The following ZNF845 variants were observed in gnomAD, a reference collection of about 807,000 sequenced individuals.
The protein encoded by ZNF845 is zinc finger protein 845.
In ZNF845, 59 loss-of-function variants were observed where a neutral mutation model predicts 76.1. The observed-to-expected ratio is 0.78, with a 90% CI of 0.63 to 0.96. ZNF845 has a LOEUF of 0.96. Among genes scored for constraint, ZNF845 ranks in the 40% least tolerant of loss-of-function variants. The pLI is 0.00. For synonymous variants in ZNF845, 361 were observed against 386.9 expected, an observed-to-expected ratio of 0.93 and a Z score of 0.78; for missense variants, 1,045 against 1,172.8, an observed-to-expected ratio of 0.89 and a Z score of 1.59.
rs2085367819 is a variant in ZNF845 at position 53,354,218 on chromosome 19, G to A, written c.*630G>A. 1 of 524,298 alleles carries A rather than the reference G, an allele frequency of 1.9e-6. No individual in the cohort carries two copies. Among genetic ancestry groups the A allele is most frequent in the Middle Eastern group, 3.2e-4 (1 of 3,086 alleles). 32.5% of individuals were successfully genotyped at this position (524,298 alleles called of 1,614,324 possible). A position where few individuals can be genotyped will look rare whatever the true frequency, so the allele number is the denominator to read the frequency against. Reference sequence around the variant, plus strand: ...TCTTCAGTCTGAGATCACCCCTTAAGGAACATCAGAAAATTCATTTTTGAG... The same window carrying A: ...TCTTCAGTCTGAGATCACCCCTTAAAGAACATCAGAAAATTCATTTTTGAG... On this transcript the variant is annotated 3_prime_UTR_variant, in exon 4 of 4. Coordinates refer to ENST00000458035, the MANE Select transcript of ZNF845 (RefSeq NM_138374.3).
chr19:53,352,707 C>T lies in ZNF845; in HGVS notation c.2032C>T (p.Leu678Phe), dbSNP rs768752787. Residue 678 changes from leucine (L) to phenylalanine (F), a missense_variant, in exon 4 of 4, where the codon CTT (leucine) becomes TTT (phenylalanine). Transcript: ENST00000458035. Reference sequence around the variant, plus strand: ...CAAGACCTTTAGTCGGAAGTCATACCTTACATGCCATCGTAGACTTCATAC... The same window carrying T: ...CAAGACCTTTAGTCGGAAGTCATACTTTACATGCCATCGTAGACTTCATAC... The part of the protein sequence containing the change: ...CGKTFSRKSY[L>F]TCHRRLHTGE... 1.5e-5 allele frequency: 25 copies of T among 1,613,864 alleles called. No individual in the cohort carries two copies. The highest frequency in any genetic ancestry group is 1.9e-5 in the Non-Finnish European group (22 of 1,179,958).
At position 53,345,521 on chromosome 19, in the gene ZNF845, A is replaced by G; in HGVS notation, c.31A>G (p.Arg11Gly). The stretch of plus-strand genomic sequence containing the variant: ...TTCATTTCAGGGTCTATTGACATTC[A>G]GGGATGTGGCCATAGAATTCTCTCA... MALSQGLLTF[R>G]DVAIEFSQEE... is the part of the protein sequence containing the mutation. Residue 11 changes from arginine to glycine, a missense_variant, in exon 3 of 4, where the codon AGG (arginine) becomes GGG (glycine). Coordinates refer to ENST00000458035, the MANE Select transcript of ZNF845 (RefSeq NM_138374.3). 6.2e-7 allele frequency: 1 copy of G among 1,613,870 alleles called. No homozygotes were observed. The highest frequency in any genetic ancestry group is 1.7e-4 in the Middle Eastern group (1 of 6,056).
chr19:53,341,467 T>G, intron 2 of ZNF845, 145 bp downstream of exon 2: 5 of 1,303,814 alleles, frequency 3.8e-6, no homozygotes, highest in Non-Finnish European at 5.4e-6. Flanking sequence ...GTCCCTCTCA[T>G]CTCGCTTAGA....
chr19:53,343,732 GT>G (rs2085273672), intron 2 of ZNF845, among the ~76,000 whole-genome samples: 1 of 152,056 alleles, frequency 6.6e-6, no homozygotes, highest in South Asian at 2.1e-4. Context: ...TTAACATCTA[GT>G]TTTTTGTGAG....
In ZNF845 at chr19:53,350,856, A is replaced by G. The variant is rs754621781; in HGVS notation, c.181A>G (p.Thr61Ala). The G allele has an allele frequency of 1.4e-5, 22 of 1,613,702 alleles. No individual in the cohort carries two copies. In the African/African-American group the frequency reaches 2.9e-4, roughly 22 times the overall value. The change falls in exon 4 of 4, where the codon ACA becomes GCA. Residue 61 changes from threonine to alanine, a missense_variant. Physicochemically the swap from Thr to Ala is moderately conservative, Grantham distance 58. Coordinates refer to ENST00000458035, the MANE Select transcript of ZNF845 (RefSeq NM_138374.3). ...ATGCATGATGAAGGAGTTCTCATCA[A>G]CAGCACAAGGCAATACAGAAGTGAT... ...SKCMMKEFSS[T>A]AQGNTEVIHT...
Position 53,344,847 on chromosome 19 carries a change from C to A in ZNF845, c.16-659C>A, listed in dbSNP as rs1599977502. 2.0e-5 allele frequency among the ~76,000 whole-genome samples: 3 copies of A among 151,998 alleles called. No individual in the cohort carries two copies. The South Asian group carries it at 6.2e-4, about 32-fold the overall frequency. ...AGAAACGGGATTTCTCCATGTTGGT[C>A]AGGCAAGTCTTGAACTCCCGACTTC... On this transcript the variant is annotated intron_variant, in intron 2 of 3. Coordinates refer to ENST00000458035, the MANE Select transcript of ZNF845 (RefSeq NM_138374.3).
intron 2 of ZNF845, 23 bp from the exon 3 acceptor site, chr19:53,345,483 C>T: frequency 1.2e-6 from 2 of 1,613,556 alleles, no homozygotes; most frequent in East Asian, 2.2e-5. Context: ...TAACCATTTC[C>T]TTAAAATGTG....
At chr19:53,348,139 C>T (rs1359980954) in intron 3 of ZNF845, among the ~76,000 whole-genome samples, 6 of 152,084 alleles carry the variant, frequency 3.9e-5, no homozygotes, top group South Asian at 2.1e-4. Flanking sequence ...TGCAGTGAGC[C>T]GACATTGTGC....
rs927639721 is a variant in ZNF845 at position 53,349,251 on chromosome 19, G to A, written c.143-1567G>A. Among the ~76,000 whole-genome samples, 7 of 151,790 alleles carry A rather than the reference G, an allele frequency of 4.6e-5. 1 individual carries two copies. The highest frequency in any genetic ancestry group is 1.7e-4 in the African/African-American group (7 of 41,306). On this transcript the variant is annotated intron_variant, in intron 3 of 3. Transcript: ENST00000458035. Reference sequence around the variant, plus strand: ...TAACATGTATTTCAGTTCTTATATTGTATGCTGCTGGTAAGTAGAAATTGT... The same window carrying A: ...TAACATGTATTTCAGTTCTTATATTATATGCTGCTGGTAAGTAGAAATTGT...
At position 53,352,043 on chromosome 19, in the gene ZNF845, A is replaced by G; in HGVS notation, c.1368A>G (p.Arg456=). The change falls in exon 4 of 4, where the codon AGA becomes AGG. Residue 456 remains arginine (R), a synonymous_variant. Transcript: ENST00000458035. ...TCAGTTTCAAATCGAACCTTGAAAG[A>G]CATAGGAGAATTCATACTGGAGAGA... ...EAFSFKSNLE[R]HRRIHTGEKP... is the part of the protein sequence containing the mutation. The G allele has an allele frequency of 6.2e-7, 1 of 1,612,900 alleles. No homozygotes were observed. The highest frequency in any genetic ancestry group is 8.5e-7 in the Non-Finnish European group (1 of 1,179,634).
At position 53,351,604 on chromosome 19, in the gene ZNF845, G is replaced by A. The variant is rs565297561; in HGVS notation, c.929G>A (p.Arg310Gln). ...KCSECGKTFS[R>Q]NSALVIHKAI... ...AGTGAGTGTGGCAAGACCTTCAGTC[G>A]AAATTCAGCCCTTGTAATTCATAAG... is the stretch of plus-strand genomic sequence containing the variant. Residue 310 changes from arginine (R) to glutamine (Q), a missense_variant, in exon 4 of 4, where the codon CGA becomes CAA. Transcript: ENST00000458035. The A allele has an allele frequency of 1.5e-4, 236 of 1,613,264 alleles. 2 individuals carry two copies. The Middle Eastern group carries it at 3.1e-3, about 21-fold the overall frequency.
Position 53,351,128 on chromosome 19 carries a change from C to G in ZNF845, c.453C>G (p.Leu151=), listed in dbSNP as rs764664402. 6.2e-7 allele frequency: 1 copy of G among 1,614,206 alleles called. No homozygotes were observed. Among genetic ancestry groups the G allele is most frequent in the Non-Finnish European group, 8.5e-7 (1 of 1,180,032 alleles). Residue 151 remains leucine (L), a synonymous_variant, in exon 4 of 4, where the codon CTC becomes CTG. Transcript: ENST00000458035. The part of the protein sequence containing the change: ...GSSFHSHLPE[L]HMFQTEGKIG... ...GCTTTCATTCGCATCTGCCTGAACT[C>G]CACATGTTTCAGACCGAAGGGAAAA...
chr19:53,337,334 C>T (rs2085222741), intron 1 of ZNF845, among the ~76,000 whole-genome samples: 1 of 150,752 alleles, frequency 6.6e-6, no homozygotes, highest in Non-Finnish European at 1.5e-5. Flanking sequence ...TCACGTTACT[C>T]AGATTTTATT....
intron 1 of ZNF845, chr19:53,337,096 C>T (rs576102979): frequency 2.2e-5 from 10 of 456,816 alleles, no homozygotes; most frequent in South Asian, 1.4e-4. Flanking sequence ...CCAGCCTCCT[C>T]CTGGGAGCTT....
In ZNF845 at chr19:53,352,085, T is replaced by G. The variant is rs149454148; in HGVS notation, c.1410T>G (p.Asn470Lys). 3.6e-5 allele frequency: 58 copies of G among 1,613,722 alleles called. No individual in the cohort carries two copies. The highest frequency in any genetic ancestry group is 3.3e-4 in the Middle Eastern group (2 of 6,048). Residue 470 changes from asparagine (N) to lysine (K), a missense_variant, in exon 4 of 4, where the codon AAT becomes AAG. Transcript: ENST00000458035. The part of the protein sequence containing the change: ...IHTGEKPYKC[N>K]DCGKTFSQTS... ...CTGGAGAGAAACCTTACAAGTGTAA[T>G]GATTGTGGCAAGACCTTCAGTCAGA...
intron 2 of ZNF845, among the ~76,000 whole-genome samples, chr19:53,341,825 A>C (rs1017771510): frequency 6.6e-6 from 1 of 152,200 alleles, no homozygotes; most frequent in Non-Finnish European, 1.5e-5. Context: ...AAATCTTAGT[A>C]ATTAGAATGG....
chr19:53,342,726 G>A (rs1315821103), intron 2 of ZNF845, among the ~76,000 whole-genome samples: 1 of 152,170 alleles, frequency 6.6e-6, no homozygotes, highest in African/African-American at 2.4e-5. Context: ...CCATGTTCAG[G>A]TTTGTTACAT....
chr19:53,339,816 G>A (rs913983366), intron 1 of ZNF845, among the ~76,000 whole-genome samples: 2 of 152,220 alleles, frequency 1.3e-5, no homozygotes, highest in African/African-American at 4.8e-5. Context: ...AAATAGAGGT[G>A]CTGTCTGTGC....
intron 3 of ZNF845, among the ~76,000 whole-genome samples, chr19:53,345,855 G>GGTT (rs2085292536): frequency 7.4e-6 from 1 of 135,468 alleles, no homozygotes; most frequent in African/African-American, 2.7e-5. Flanking sequence ...TACTTTTTTA[G>GGTT]TTTTTTTTTT....
Sources: gnomAD v4.1 joint callset for allele counts (sites outside exome capture counted in the v4.1 genomes callset) on GRCh38, gnomAD v4.1.1 for gene constraint, MANE v1.5 for transcripts, NCBI Gene and HGNC (gene_info 2026-07-23, HGNC 2026-07-21) for gene names.